The following CIROZ variants were observed in gnomAD, a reference collection of about 807,000 sequenced individuals.
The protein encoded by CIROZ is ciliated left-right organizer ZP-N domains-containing protein.
At chr1:10,982,055 C>G in the CIROZ span, 6 of 1,537,102 alleles carry the variant, frequency 3.9e-6, no homozygotes, top group East Asian at 1.2e-4. Context: ...CCCAGCAGCT[C>G]TCTCCTGCCC....
At chr1:10,969,963 C>T in the CIROZ span, 1 of 1,530,914 alleles carries the variant, frequency 6.5e-7, no homozygotes, top group East Asian at 2.5e-5. Flanking sequence ...CACCGACCAC[C>T]TCTTACCTGG....
chr1:10,968,715 G>A, the CIROZ span, among the ~76,000 whole-genome samples: 1 of 152,190 alleles, frequency 6.6e-6, no homozygotes, highest in African/African-American at 2.4e-5. Flanking sequence ...GCGCTGCCAC[G>A]TGAAATGAAA....
the CIROZ span, among the ~76,000 whole-genome samples, chr1:10,968,282 T>C: frequency 1.3e-5 from 2 of 152,246 alleles, no homozygotes; most frequent in African/African-American, 4.8e-5. Context: ...GTAATTATCT[T>C]GTATTGCTTC....
At chr1:10,951,745 A>AAAAAATAT in the CIROZ span, among the ~76,000 whole-genome samples, 2 of 119,206 alleles carry the variant, frequency 1.7e-5, no homozygotes, top group Admixed American at 8.4e-5. Flanking sequence ...AAAAAAAAAA[A>AAAAAATAT]ATATATATAT....
At chr1:10,968,855 CAG>C in the CIROZ span, among the ~76,000 whole-genome samples, 24 of 152,206 alleles carry the variant, frequency 1.6e-4, no homozygotes, top group African/African-American at 5.5e-4. Flanking sequence ...TAATAACACA[CAG>C]AAATGTTTAA....
the CIROZ span, among the ~76,000 whole-genome samples, chr1:10,954,509 G>A: frequency 6.6e-6 from 1 of 152,110 alleles, no homozygotes; most frequent in Non-Finnish European, 1.5e-5. Context: ...AGTTGCACAT[G>A]GCAGGGGCAT....
chr1:10,976,129 C>G, the CIROZ span: 14 of 1,525,820 alleles, frequency 9.2e-6, no homozygotes, highest in Non-Finnish European at 1.2e-5. Context: ...AAGCCTGATG[C>G]CAACCATAAA....
chr1:10,960,065 T>C, the CIROZ span, among the ~76,000 whole-genome samples: 2 of 151,588 alleles, frequency 1.3e-5, no homozygotes, highest in African/African-American at 4.9e-5. This position sits in a 1 kb window ranked among gnomAD's most constrained non-coding sequence, Gnocchi z 4.6. Flanking sequence ...GGCCAGGCTG[T>C]AAGAAGGAGG....
the CIROZ span, among the ~76,000 whole-genome samples, chr1:10,966,819 A>C: frequency 6.6e-6 from 1 of 152,002 alleles, no homozygotes; most frequent in Non-Finnish European, 1.5e-5. Context: ...ATCCTGTTCA[A>C]AATGTAGGCA....
At chr1:10,966,519 T>G in the CIROZ span, 2 of 1,492,840 alleles carry the variant, frequency 1.3e-6, no homozygotes, top group Middle Eastern at 1.8e-4. Flanking sequence ...GGGTTGAGCC[T>G]GTGGAGGTGG....
At chr1:10,973,263 C>T in the CIROZ span, among the ~76,000 whole-genome samples, 1 of 152,020 alleles carries the variant, frequency 6.6e-6, no homozygotes, top group Non-Finnish European at 1.5e-5. Flanking sequence ...ATCCCAGCTA[C>T]TCGGGAAGCT....
the CIROZ span, chr1:10,976,128 G>A: frequency 6.6e-7 from 1 of 1,523,586 alleles, no homozygotes; most frequent in South Asian, 1.2e-5. Flanking sequence ...AAAGCCTGAT[G>A]CCAACCATAA....
At chr1:10,961,670 G>A in the CIROZ span, among the ~76,000 whole-genome samples, 2 of 152,174 alleles carry the variant, frequency 1.3e-5, no homozygotes, top group African/African-American at 2.4e-5. Flanking sequence ...GGGGCCAGGC[G>A]CGGCAGCTCA....
the CIROZ span, among the ~76,000 whole-genome samples, chr1:10,981,769 G>A: frequency 6.6e-6 from 1 of 152,136 alleles, no homozygotes; most frequent in Non-Finnish European, 1.5e-5. Context: ...GGGAGGACTG[G>A]AATTCCAGAA....
At chr1:10,976,337 C>CTTT in the CIROZ span, 45 of 710,972 alleles carry the variant, frequency 6.3e-5, no homozygotes, top group Admixed American at 1.2e-4. Flanking sequence ...CATTATATTT[C>CTTT]TTTTTTTTTT....
At chr1:10,947,770 G>T in the CIROZ span, 1 of 1,598,182 alleles carries the variant, frequency 6.3e-7, no homozygotes, top group South Asian at 1.1e-5. Flanking sequence ...TCCTGCTGGA[G>T]TGAGGCCCCC....
the CIROZ span, chr1:10,964,091 T>TC: frequency 6.2e-7 from 1 of 1,602,578 alleles, no homozygotes; most frequent in Non-Finnish European, 8.5e-7. Context: ...GCCTGGGAGG[T>TC]CCCTCTGCCA....
At chr1:10,974,793 C>T in the CIROZ span, among the ~76,000 whole-genome samples, 1 of 152,168 alleles carries the variant, frequency 6.6e-6, no homozygotes, top group Non-Finnish European at 1.5e-5. The surrounding 1 kb of genome is among the most constrained non-coding windows in gnomAD (Gnocchi z 4.4). Flanking sequence ...CTGATTTTAA[C>T]CCATGGCATT....
chr1:10,952,801 C>T, the CIROZ span, among the ~76,000 whole-genome samples: 30 of 152,176 alleles, frequency 2.0e-4, no homozygotes, highest in Non-Finnish European at 3.7e-4. Context: ...CGTGAGCCAC[C>T]GCGTCTGGCC....
Sources: allele counts gnomAD v4.1 joint callset (sites outside exome capture counted in the v4.1 genomes callset), GRCh38; gene constraint gnomAD v4.1.1; non-coding constraint Gnocchi (gnomAD v3.1); transcripts MANE v1.5; gene names NCBI Gene and HGNC (gene_info 2026-07-23, HGNC 2026-07-21).